SLC25A26: variants seen among roughly 807,000 people sequenced by gnomAD.
The protein encoded by SLC25A26 is solute carrier family 25 member 26, also known as mitochondrial S-adenosylmethionine carrier protein.
A neutral mutation model predicts 37.8 loss-of-function variants in SLC25A26; 36 were observed. The ratio of observed to expected loss-of-function variants is 0.95; its 90% CI spans 0.73 to 1.26. The LOEUF (loss-of-function observed/expected upper bound fraction) is 1.26. Among genes scored for constraint, SLC25A26 ranks in the 50% most tolerant of loss-of-function variants. The probability of loss-of-function intolerance (pLI) is 0.00; values close to 1 mark genes in which losing one functional copy is unlikely to be tolerated. For synonymous variants in SLC25A26, 129 were observed against 122.5 expected, an observed-to-expected ratio of 1.05 and a Z score of -0.35; for missense variants, 390 against 331.1, an observed-to-expected ratio of 1.18 and a Z score of -1.38.
chr3:66,150,536 T>TG lies in SLC25A26; in HGVS notation c.-354+16552_-354+16553insG, dbSNP rs1219421518. ...ATATATATATAATGATATATATATA[T>TG]ATATATATAAAATATATATAATGAT... On this transcript the variant is annotated intron_variant, in intron 1 of 10. Transcript: ENST00000676754. Among the ~76,000 whole-genome samples the TG allele has an allele frequency of 1.2e-4, 16 of 132,100 alleles. No homozygotes were observed. In the South Asian group the frequency reaches 2.8e-3, roughly 23 times the overall value. 86.7% of individuals were successfully genotyped at this position (132,100 alleles called of 152,430 possible).
chr3:66,277,375 A>G (rs2074190045), intron 5 of SLC25A26, among the ~76,000 whole-genome samples: 1 of 152,170 alleles, frequency 6.6e-6, no homozygotes, highest in African/African-American at 2.4e-5. Flanking sequence ...TTATATGTGT[A>G]AACTAAGAAA....
intron 1 of SLC25A26, among the ~76,000 whole-genome samples, chr3:66,210,793 C>T (rs986851815): frequency 6.7e-6 from 1 of 149,236 alleles, no homozygotes; most frequent in Non-Finnish European, 1.5e-5. Context: ...GGATTACAAG[C>T]GCAAGCTACT....
At chr3:66,221,197 C>T (rs1047279441) in intron 1 of SLC25A26, 70 bp downstream of exon 1, 3 of 1,431,056 alleles carry the variant, frequency 2.1e-6, no homozygotes, top group South Asian at 2.6e-5. Flanking sequence ...CGGGCGTTCT[C>T]TGCACTGGTT....
At chr3:66,274,936 A>G (rs1576769728) in intron 5 of SLC25A26, among the ~76,000 whole-genome samples, 1 of 152,138 alleles carries the variant, frequency 6.6e-6, no homozygotes, top group African/African-American at 2.4e-5. Context: ...ATGCTGCTAT[A>G]AAGACACATG....
At chr3:66,220,354 A>G (rs2071435115), upstream of SLC25A26, among the ~76,000 whole-genome samples, 1 of 152,214 alleles carries the variant, frequency 6.6e-6, no homozygotes. Context: ...TTTGTTTAAT[A>G]AAGACAGGTC....
At chr3:66,229,916 C>G (rs1414500080) in intron 1 of SLC25A26, among the ~76,000 whole-genome samples, 1 of 151,968 alleles carries the variant, frequency 6.6e-6, no homozygotes, top group Non-Finnish European at 1.5e-5. Context: ...TAATATTAAG[C>G]AGAGATTTCT....
At chr3:66,216,422 A>C (rs1226459605), upstream of SLC25A26, among the ~76,000 whole-genome samples, 1 of 151,988 alleles carries the variant, frequency 6.6e-6, no homozygotes, top group Non-Finnish European at 1.5e-5. Flanking sequence ...TGAGGCAGGA[A>C]GATTGCTTGA....
intron 1 of SLC25A26, among the ~76,000 whole-genome samples, chr3:66,139,558 C>T (rs1260220219): frequency 6.6e-6 from 1 of 152,150 alleles, no homozygotes. Flanking sequence ...TCCTAGCCTA[C>T]AAAACAGTGA....
chr3:66,372,922 C>T (rs1559750727), intron 9 of SLC25A26, among the ~76,000 whole-genome samples: 1 of 152,140 alleles, frequency 6.6e-6, no homozygotes, highest in Non-Finnish European at 1.5e-5. Context: ...CATCTCCTCA[C>T]CTTAGGATGG....
intron 5 of SLC25A26, among the ~76,000 whole-genome samples, chr3:66,314,951 T>A (rs1415923913): frequency 6.6e-6 from 1 of 152,084 alleles, no homozygotes; most frequent in Admixed American, 6.6e-5. Context: ...TTTGTATTTC[T>A]GTGGGGTCGC....
At chr3:66,310,207 G>C (rs1481529308) in intron 5 of SLC25A26, among the ~76,000 whole-genome samples, 1 of 152,098 alleles carries the variant, frequency 6.6e-6, no homozygotes, top group African/African-American at 2.4e-5. Context: ...TATATATTTA[G>C]GATAGTTAGC....
chr3:66,317,550 T>A (rs1195913339), intron 5 of SLC25A26, among the ~76,000 whole-genome samples: 3 of 152,144 alleles, frequency 2.0e-5, no homozygotes, highest in Non-Finnish European at 4.4e-5. Context: ...GTATGAGGTG[T>A]CTGCAGGCTT....
intron 3 of SLC25A26, among the ~76,000 whole-genome samples, chr3:66,248,177 G>A (rs1190488995): frequency 6.6e-6 from 1 of 152,210 alleles, no homozygotes; most frequent in East Asian, 1.9e-4. Context: ...ACCATTCCCT[G>A]TAGCAACAGC....
intron 5 of SLC25A26, among the ~76,000 whole-genome samples, chr3:66,278,248 T>G (rs2074222559): frequency 1.3e-5 from 2 of 152,164 alleles, no homozygotes; most frequent in African/African-American, 4.8e-5. Context: ...ATGAAGTACT[T>G]GTTTTTAGAG....
chr3:66,293,809 T>C (rs552428934), intron 5 of SLC25A26, among the ~76,000 whole-genome samples: 1 of 152,202 alleles, frequency 6.6e-6, no homozygotes, highest in Non-Finnish European at 1.5e-5. Flanking sequence ...TTAGGTTGAT[T>C]CCATGTCTTT....
intron 2 of SLC25A26, among the ~76,000 whole-genome samples, chr3:66,241,285 A>G (rs1281449917): frequency 6.6e-6 from 1 of 152,148 alleles, no homozygotes; most frequent in Non-Finnish European, 1.5e-5. Context: ...GTTATAAAAA[A>G]AATCCCAGGA....
chr3:66,280,523 GC>G (rs1168495246), intron 5 of SLC25A26, among the ~76,000 whole-genome samples: 2 of 152,132 alleles, frequency 1.3e-5, no homozygotes, highest in African/African-American at 4.8e-5. Flanking sequence ...TCTACATAAA[GC>G]ACGAAACACT....
chr3:66,287,024 C>T (rs979571970), intron 5 of SLC25A26, among the ~76,000 whole-genome samples: 4 of 151,614 alleles, frequency 2.6e-5, no homozygotes, highest in South Asian at 2.1e-4. Flanking sequence ...AGGCTGGGTG[C>T]GGTGGCTCAC....
chr3:66,317,383 G>T (rs1382807960), intron 5 of SLC25A26, among the ~76,000 whole-genome samples: 1 of 152,110 alleles, frequency 6.6e-6, no homozygotes, highest in Non-Finnish European at 1.5e-5. Context: ...ACTGCAGTGT[G>T]CTGGGGGTCC....
Sources: allele counts gnomAD v4.1 joint callset (sites outside exome capture counted in the v4.1 genomes callset), GRCh38; gene constraint gnomAD v4.1.1; transcripts MANE v1.5; gene names NCBI Gene and HGNC (gene_info 2026-07-23, HGNC 2026-07-21).